The following SPRY4 variants were observed in gnomAD, a reference collection of about 807,000 sequenced individuals.
SPRY4 encodes sprouty RTK signaling antagonist 4.
SPRY4 carries 7 observed loss-of-function variants against 17.0 expected under a neutral mutation model. That is an observed-to-expected ratio of 0.41 (90% CI 0.23 to 0.77). The LOEUF is 0.77. Ranked by LOEUF, SPRY4 falls within the 30% of genes least tolerant of loss-of-function variation. The probability of loss-of-function intolerance (pLI) is 0.32; values close to 1 mark genes in which losing one functional copy is unlikely to be tolerated. For synonymous variants in SPRY4, 183 were observed against 174.1 expected, an observed-to-expected ratio of 1.05 and a Z score of -0.40; for missense variants, 435 against 419.9, an observed-to-expected ratio of 1.04 and a Z score of -0.31.
At position 142,314,873 on chromosome 5, in the gene SPRY4, G is replaced by C. The variant is rs1387727883; in HGVS notation, c.236C>G (p.Ala79Gly). The C allele has an allele frequency of 6.3e-7, 1 of 1,596,822 alleles. No individual in the cohort carries two copies. Among genetic ancestry groups the C allele is most frequent in the Non-Finnish European group, 8.6e-7 (1 of 1,169,430 alleles). Residue 79 changes from alanine to glycine, a missense_variant, in exon 2 of 2, where the codon GCC becomes GGC. Ala to Gly is a moderately conservative substitution (Grantham distance 60). Transcript: ENST00000434127. This position sits in a 1 kb window ranked among gnomAD's most constrained non-coding sequence, Gnocchi z 4.8. ...GGAPELAPTPARCDQDVTHHW... is the reference protein window; with the variant it reads ...GGAPELAPTPGRCDQDVTHHW... ...GTGGGTGACATCCTGGTCACAGCGG[G>C]CGGGCGTCGGGGCCAGCTCTGGGGC...
Position 142,311,264 on chromosome 5 carries a change from T to TC in SPRY4, c.*2944dup. 6.6e-6 allele frequency: 1 copy of TC among 152,204 alleles called. No homozygotes were observed. Among genetic ancestry groups the TC allele is most frequent in the East Asian group, 1.9e-4 (1 of 5,192 alleles). 9.4% of individuals were successfully genotyped at this position (152,204 alleles called of 1,614,324 possible). On this transcript the variant is annotated 3_prime_UTR_variant, in exon 2 of 2. Transcript: ENST00000434127. ...TCCCAGGGTGCTCGCGGAAGCGCTG[T>TC]CCTTCATTAACACGGGCAGCCAGAG...
At chr5:142,316,455 G>A (rs1022571938) in intron 1 of SPRY4, among the ~76,000 whole-genome samples, 2 of 152,070 alleles carry the variant, frequency 1.3e-5, no homozygotes, top group African/African-American at 4.8e-5. Flanking sequence ...GATACAATTT[G>A]GAATCCAAGG....
rs1759284898 is a variant in SPRY4 at position 142,319,812 on chromosome 5, G to A, written c.-47-4657C>T. The A allele has an allele frequency of 2.5e-6, 4 of 1,603,870 alleles. No homozygotes were observed. In the East Asian group the frequency reaches 6.7e-5, roughly 27 times the overall value. ...CAGGCTGGCTGAAAAGAATCAAGAG[G>A]CATGTTAAATGTCCGCACAATTGAG... is the stretch of plus-strand genomic sequence containing the variant. On this transcript the variant is annotated intron_variant, in intron 1 of 1. Transcript: ENST00000434127.
chr5:142,324,586 C>T (rs1759468701), intron 1 of SPRY4, among the ~76,000 whole-genome samples: 1 of 152,164 alleles, frequency 6.6e-6, no homozygotes, highest in Non-Finnish European at 1.5e-5. Context: ...TCTCAGAGGG[C>T]GGGGAAGCCG....
intron 1 of SPRY4, among the ~76,000 whole-genome samples, chr5:142,321,069 C>T (rs1295144037): frequency 1.3e-5 from 2 of 152,236 alleles, no homozygotes; most frequent in Non-Finnish European, 2.9e-5. Flanking sequence ...AGCCCAGCCA[C>T]ATGTCCCGGA....
chr5:142,314,871 G>A lies in SPRY4; in HGVS notation c.238C>T (p.Arg80Cys), dbSNP rs138225768. ...TGGTGGGTGACATCCTGGTCACAGC[G>A]GGCGGGCGTCGGGGCCAGCTCTGGG... ...GAPELAPTPA[R>C]CDQDVTHHWI... The change falls in exon 2 of 2, where the codon CGC becomes TGC. Residue 80 changes from arginine to cysteine, a missense_variant. Coordinates refer to ENST00000434127, the MANE Select transcript of SPRY4 (RefSeq NM_001127496.3). The surrounding 1 kb of genome is among the most constrained non-coding windows in gnomAD (Gnocchi z 4.8). The A allele has an allele frequency of 4.8e-5, 76 of 1,596,324 alleles. No homozygotes were observed. The highest frequency in any genetic ancestry group is 6.8e-5 in the South Asian group (6 of 88,848).
chr5:142,314,282 T>G lies in SPRY4; in HGVS notation c.827A>C (p.Lys276Thr). Residue 276 changes from lysine (K) to threonine (T), a missense_variant, in exon 2 of 2, where the codon AAG becomes ACG. Coordinates refer to ENST00000434127, the MANE Select transcript of SPRY4 (RefSeq NM_001127496.3). This position sits in a 1 kb window ranked among gnomAD's most constrained non-coding sequence, Gnocchi z 4.8. The stretch of plus-strand genomic sequence containing the variant: ...TTTGCAGATGACGCTGTTCGTGTGC[T>G]TGCAGCGGCAACCAGGGCGGCGCAG... ...DRLRRPGCRC[K>T]HTNSVICKAA... The G allele has an allele frequency of 6.2e-7, 1 of 1,613,800 alleles. No individual in the cohort carries two copies. Among genetic ancestry groups the G allele is most frequent in the Non-Finnish European group, 8.5e-7 (1 of 1,180,000 alleles).
rs2126981603 is a variant in SPRY4 at position 142,312,175 on chromosome 5, A to G, written c.*2034T>C. On this transcript the variant is annotated 3_prime_UTR_variant, in exon 2 of 2. Coordinates refer to ENST00000434127, the MANE Select transcript of SPRY4 (RefSeq NM_001127496.3). ...GAAAACCATCTCCAGTCCCTTCAGT[A>G]CACTTCTGATACATTCAATTCATAT... 1 of 152,666 alleles carries G rather than the reference A, an allele frequency of 6.6e-6. No individual in the cohort carries two copies. The highest frequency in any genetic ancestry group is 1.5e-5 in the Non-Finnish European group (1 of 68,020). 9.5% of individuals were successfully genotyped at this position (152,666 alleles called of 1,614,324 possible). A position where few individuals can be genotyped will look rare whatever the true frequency, so the allele number is the denominator to read the frequency against.
rs2126979122 is a variant in SPRY4, at chr5:142,311,079, C to T, written c.*3130G>A. ...GTATGATGGCGACTGACAGGCTCCA[C>T]AAGGCTGAAAAGAACTAGCCATGTC... On this transcript the variant is annotated 3_prime_UTR_variant, in exon 2 of 2. Transcript: ENST00000434127. The T allele has an allele frequency of 6.6e-6, 1 of 152,306 alleles. No individual in the cohort carries two copies. The highest frequency in any genetic ancestry group is 2.4e-5 in the African/African-American group (1 of 41,566). 9.4% of individuals were successfully genotyped at this position (152,306 alleles called of 1,614,324 possible). A position where few individuals can be genotyped will look rare whatever the true frequency, so the allele number is the denominator to read the frequency against.
In SPRY4 at chr5:142,312,376, G is replaced by A. The variant is rs926889166; in HGVS notation, c.*1833C>T. ...TAGCAAATGTTACATAAATAAAGCC[G>A]AAAATAATATGACCCTCCCTTCCTC... On this transcript the variant is annotated 3_prime_UTR_variant, in exon 2 of 2. Coordinates refer to ENST00000434127, the MANE Select transcript of SPRY4 (RefSeq NM_001127496.3). 1 of 152,480 alleles carries A rather than the reference G, an allele frequency of 6.6e-6. No individual in the cohort carries two copies. Among genetic ancestry groups the A allele is most frequent in the African/African-American group, 2.4e-5 (1 of 41,406 alleles). The allele number at this position is 152,480 out of a possible 1,614,324, so 9.4% of individuals were successfully genotyped here. A position where few individuals can be genotyped will look rare whatever the true frequency, so the allele number is the denominator to read the frequency against.
rs1244170141 is a variant in SPRY4, at chr5:142,311,484, C to CT, written c.*2724dup. 6.6e-6 allele frequency: 1 copy of CT among 152,254 alleles called. No homozygotes were observed. The highest frequency in any genetic ancestry group is 6.5e-5 in the Admixed American group (1 of 15,280). The allele number at this position is 152,254 out of a possible 1,614,324, so 9.4% of individuals were successfully genotyped here. A position where few individuals can be genotyped will look rare whatever the true frequency, so the allele number is the denominator to read the frequency against. On this transcript the variant is annotated 3_prime_UTR_variant, in exon 2 of 2. Coordinates refer to ENST00000434127, the MANE Select transcript of SPRY4 (RefSeq NM_001127496.3). ...GCAGCTACACATGTGTGTTGTGTCTCTGAGTGCTGGGTCCCTCAGTGGCTC... is the reference window on the plus strand; with the variant it reads ...GCAGCTACACATGTGTGTTGTGTCTCTTGAGTGCTGGGTCCCTCAGTGGCTC...
At position 142,313,977 on chromosome 5, in the gene SPRY4, G is replaced by T; in HGVS notation, c.*232C>A. On this transcript the variant is annotated 3_prime_UTR_variant, in exon 2 of 2. Coordinates refer to ENST00000434127, the MANE Select transcript of SPRY4 (RefSeq NM_001127496.3). The stretch of plus-strand genomic sequence containing the variant: ...CACCCTGCCCCTGCATTGTCTGTTT[G>T]ACACAAAGTTTCAGGACCCTGAAAA... 2 of 560,864 alleles carry T rather than the reference G, an allele frequency of 3.6e-6. No homozygotes were observed. The highest frequency in any genetic ancestry group is 3.1e-6 in the Non-Finnish European group (1 of 317,644). The allele number at this position is 560,864 out of a possible 1,614,324, so 34.7% of individuals were successfully genotyped here. A position where few individuals can be genotyped will look rare whatever the true frequency, so the allele number is the denominator to read the frequency against.
intron 1 of SPRY4, chr5:142,317,420 C>T (rs968636636): frequency 1.2e-5 from 12 of 985,296 alleles, no homozygotes; most frequent in Admixed American, 6.1e-5. Flanking sequence ...CCAGAACCCT[C>T]ACCCCCGGAC....
At chr5:142,320,963 C>G (rs1759326727) in intron 1 of SPRY4, among the ~76,000 whole-genome samples, 1 of 152,246 alleles carries the variant, frequency 6.6e-6, no homozygotes, top group African/African-American at 2.4e-5. Context: ...TCCAGCACAT[C>G]TGTGCTCCCT....
rs72803905 is a variant in SPRY4 at position 142,321,295 on chromosome 5, C to T, written c.-48+3549G>A. Reference sequence around the variant, plus strand: ...ACTAGCAGCTCTGCTGGCCTCTGTCCCCTTGGGAAGAGTTTATTTTCTCTA... The same window carrying T: ...ACTAGCAGCTCTGCTGGCCTCTGTCTCCTTGGGAAGAGTTTATTTTCTCTA... On this transcript the variant is annotated intron_variant, in intron 1 of 1. Coordinates refer to ENST00000434127, the MANE Select transcript of SPRY4 (RefSeq NM_001127496.3). 4.9e-3 allele frequency among the ~76,000 whole-genome samples: 739 copies of T among 152,330 alleles called. 3 individuals carry two copies. The highest frequency in any genetic ancestry group is 0.027 in the Middle Eastern group (8 of 294).
Position 142,315,072 on chromosome 5 carries a change from G to T in SPRY4, c.37C>A (p.Pro13Thr), listed in dbSNP as rs199625969. ...AGGGGCTGGACCATGACTGAGTTGGGAGTCAAGGGGGCGCTCTGTGGGATC... is the reference window on the plus strand; with the variant it reads ...AGGGGCTGGACCATGACTGAGTTGGTAGTCAAGGGGGCGCTCTGTGGGATC... Reference protein sequence around the residue: ...PPIPQSAPLTPNSVMVQPLLD... With the variant: ...PPIPQSAPLTTNSVMVQPLLD... Residue 13 changes from proline to threonine, a missense_variant, in exon 2 of 2, where the codon CCC (proline) becomes ACC (threonine). Physicochemically the swap from Pro to Thr is conservative, Grantham distance 38. Transcript: ENST00000434127. 8.7e-6 allele frequency: 14 copies of T among 1,613,288 alleles called. No homozygotes were observed. The African/African-American group carries it at 1.7e-4, about 20-fold the overall frequency.
chr5:142,317,452 T>C lies in SPRY4; in HGVS notation c.-47-2297A>G, dbSNP rs754504147. ...GGACAATGATAACATGAGTCCCTTG[T>C]TCCAGAAACCGATGTCAGGAATATT... On this transcript the variant is annotated intron_variant, in intron 1 of 1. Transcript: ENST00000434127. The C allele has an allele frequency of 1.2e-5, 12 of 985,252 alleles. No homozygotes were observed. The East Asian group carries it at 3.4e-4, about 28-fold the overall frequency. The allele number at this position is 985,252 out of a possible 1,614,324, so 61.0% of individuals were successfully genotyped here.
At chr5:142,316,275 AGGAAG>A (rs1759149829) in intron 1 of SPRY4, among the ~76,000 whole-genome samples, 1 of 152,120 alleles carries the variant, frequency 6.6e-6, no homozygotes, top group Non-Finnish European at 1.5e-5. Context: ...ACGGAACCCC[AGGAAG>A]TCACTTAAAT....
chr5:142,317,717 C>G, intron 1 of SPRY4: 2 of 984,704 alleles, frequency 2.0e-6, no homozygotes, highest in Non-Finnish European at 2.4e-6. Flanking sequence ...TTTTAATAGG[C>G]CTTGGAATCA....
Sources: gnomAD v4.1 joint callset for allele counts (sites outside exome capture counted in the v4.1 genomes callset) on GRCh38, gnomAD v4.1.1 for gene constraint, Gnocchi (gnomAD v3.1) non-coding constraint, MANE v1.5 for transcripts, NCBI Gene and HGNC (gene_info 2026-07-23, HGNC 2026-07-21) for gene names.